Variants in PDE1C observed in about 807,000 individuals in gnomAD.
The protein encoded by PDE1C is dual specificity calcium/calmodulin-dependent 3',5'-cyclic nucleotide phosphodiesterase 1C.
Under a neutral mutation model 93.1 loss-of-function variants are expected in PDE1C, and 62 were observed. That is an observed-to-expected ratio of 0.67 (90% CI 0.54 to 0.82). The LOEUF is 0.82. Among genes scored for constraint, PDE1C ranks in the 40% least tolerant of loss-of-function variants. The pLI, the probability that PDE1C is intolerant of heterozygous loss-of-function variation, is 0.00. For synonymous variants in PDE1C, 325 were observed against 310.1 expected, an observed-to-expected ratio of 1.05 and a Z score of -0.50; for missense variants, 742 against 884.6, an observed-to-expected ratio of 0.84 and a Z score of 2.04.
intron 2 of PDE1C, among the ~76,000 whole-genome samples, chr7:32,201,482 A>G (rs987617856): frequency 1.3e-5 from 2 of 152,194 alleles, no homozygotes; most frequent in African/African-American, 4.8e-5. Flanking sequence ...CAGCATTCCC[A>G]TTAAGGGAGC....
intron 1 of PDE1C, among the ~76,000 whole-genome samples, chr7:32,214,251 A>G (rs1806261699): frequency 6.6e-6 from 1 of 152,058 alleles, no homozygotes; most frequent in Non-Finnish European, 1.5e-5. Context: ...TTAGATTCTG[A>G]TTTAAGGGTA....
At chr7:31,921,893 A>C (rs547427681) in intron 2 of PDE1C, among the ~76,000 whole-genome samples, 1 of 152,368 alleles carries the variant, frequency 6.6e-6, no homozygotes, top group Non-Finnish European at 1.5e-5. Context: ...CAAGCACTAC[A>C]TAAGTATTTT....
chr7:31,907,044 T>C (rs1800681532), intron 2 of PDE1C, among the ~76,000 whole-genome samples: 1 of 149,312 alleles, frequency 6.7e-6, no homozygotes, highest in Admixed American at 6.8e-5. Context: ...GACTTGAGAA[T>C]GAGCCAACCA....
chr7:32,167,259 T>A (rs1802353013), intron 3 of PDE1C, among the ~76,000 whole-genome samples: 1 of 152,244 alleles, frequency 6.6e-6, no homozygotes, highest in Non-Finnish European at 1.5e-5. Context: ...GCACACATTT[T>A]GTCCTGGTAG....
chr7:31,995,441 A>T (rs1221475024), intron 2 of PDE1C, among the ~76,000 whole-genome samples: 1 of 152,232 alleles, frequency 6.6e-6, no homozygotes, highest in Non-Finnish European at 1.5e-5. Context: ...TTTACAGCAG[A>T]GAATATTTCT....
intron 1 of PDE1C, among the ~76,000 whole-genome samples, chr7:32,368,084 A>AG (rs939680968): frequency 2.6e-5 from 4 of 152,190 alleles, no homozygotes; most frequent in African/African-American, 7.2e-5. Flanking sequence ...GAACAAGACA[A>AG]GGGTGCCCAT....
intron 10 of PDE1C, 109 bp from the exon 11 acceptor site, chr7:31,837,409 A>G (rs1404855095): frequency 1.0e-6 from 1 of 1,003,252 alleles, no homozygotes; most frequent in African/African-American, 1.7e-5. Context: ...TCCATCTCAA[A>G]CCCCACTTCA....
chr7:31,685,034 A>G, the PDE1C span, among the ~76,000 whole-genome samples: 1 of 152,146 alleles, frequency 6.6e-6, no homozygotes, highest in South Asian at 2.1e-4. Flanking sequence ...ACTGTGGTCC[A>G]TTCTATGGAA....
chr7:32,324,407 C>G (rs1783361970), intron 1 of PDE1C, among the ~76,000 whole-genome samples: 1 of 152,204 alleles, frequency 6.6e-6, no homozygotes, highest in Non-Finnish European at 1.5e-5. Flanking sequence ...ACCCCACTTA[C>G]CCTAGCAACA....
chr7:32,073,898 A>G (rs1796204419), upstream of PDE1C, among the ~76,000 whole-genome samples: 2 of 152,214 alleles, frequency 1.3e-5, no homozygotes, highest in Admixed American at 6.5e-5. Context: ...TTTGCTTTAC[A>G]GTTTAATTTC....
intron 9 of PDE1C, among the ~76,000 whole-genome samples, chr7:31,844,201 C>A (rs1197169981): frequency 6.6e-6 from 1 of 151,470 alleles, no homozygotes; most frequent in Non-Finnish European, 1.5e-5. Flanking sequence ...ATTTCACTAT[C>A]ATATCATTTT....
chr7:32,419,595 A>G (rs182805252), intron 1 of PDE1C, among the ~76,000 whole-genome samples: 7 of 152,254 alleles, frequency 4.6e-5, no homozygotes, highest in Non-Finnish European at 8.8e-5. Flanking sequence ...CTTCTAGACT[A>G]AAGAATGTTC....
chr7:31,894,793 C>T (rs1799071019), intron 2 of PDE1C, among the ~76,000 whole-genome samples: 1 of 152,058 alleles, frequency 6.6e-6, no homozygotes. Flanking sequence ...TTATATTTCC[C>T]CCATACCCCC....
At chr7:31,643,116 G>A in the PDE1C span, 3 of 1,613,978 alleles carry the variant, frequency 1.9e-6, no homozygotes, top group Non-Finnish European at 2.5e-6. Flanking sequence ...GTTTTGTGAG[G>A]CCTGAGGGAG....
At chr7:32,246,863 A>G (rs1034404136) in intron 1 of PDE1C, among the ~76,000 whole-genome samples, 4 of 152,258 alleles carry the variant, frequency 2.6e-5, no homozygotes, top group Non-Finnish European at 5.9e-5. Context: ...AGATGACAAT[A>G]AATGGTGGCT....
At position 32,197,765 on chromosome 7, in the gene PDE1C, G is replaced by T. The variant is rs188302993; in HGVS notation, c.136+11724C>A. Among the ~76,000 whole-genome samples the T allele has an allele frequency of 7.2e-3, 1,096 of 152,212 alleles. 15 individuals carry two copies. Among genetic ancestry groups the T allele is most frequent in the African/African-American group, 0.025 (1,041 of 41,548 alleles). ...CAGAATAGGCAAATCTATAAGAAAA[G>T]AAATATTTAAATAGCCTTCTAGGAC... On this transcript the variant is annotated intron_variant, in intron 2 of 18. Transcript: ENST00000396193.
chr7:31,833,798 T>C (rs1379169204), intron 11 of PDE1C, among the ~76,000 whole-genome samples: 1 of 152,162 alleles, frequency 6.6e-6, no homozygotes, highest in Non-Finnish European at 1.5e-5. Flanking sequence ...GTTCAGAAAA[T>C]TTGCAGCCTG....
At chr7:32,188,801 C>CA (rs1250313954) in intron 2 of PDE1C, among the ~76,000 whole-genome samples, 1 of 152,074 alleles carries the variant, frequency 6.6e-6, no homozygotes, top group East Asian at 1.9e-4. Context: ...TTCTGGAGTG[C>CA]AAAAAAACTC....
At chr7:31,705,970 A>T in the PDE1C span, among the ~76,000 whole-genome samples, 1 of 133,530 alleles carries the variant, frequency 7.5e-6, no homozygotes, top group Non-Finnish European at 1.6e-5. Context: ...AGACTTCTGA[A>T]TTTCACAGAC....
Sources: allele counts gnomAD v4.1 joint callset (sites outside exome capture counted in the v4.1 genomes callset), GRCh38; gene constraint gnomAD v4.1.1; transcripts MANE v1.5; gene names NCBI Gene and HGNC (gene_info 2026-07-23, HGNC 2026-07-21).